The following KANK1 variants were observed in gnomAD, a reference collection of about 807,000 sequenced individuals.
KANK1 encodes KN motif and ankyrin repeat domains 1, also known as KN motif and ankyrin repeat domain-containing protein 1.
A neutral mutation model predicts 106.2 loss-of-function variants in KANK1; 109 were observed. That is an observed-to-expected ratio of 1.03 (90% confidence interval 0.88 to 1.20). KANK1 has a LOEUF of 1.20. Ranked by LOEUF, KANK1 falls within the 50% of genes most tolerant of loss-of-function variation. The probability of loss-of-function intolerance (pLI) is 0.00; values close to 1 mark genes in which losing one functional copy is unlikely to be tolerated. For synonymous variants in KANK1, 873 were observed against 652.2 expected, an observed-to-expected ratio of 1.34 and a Z score of -5.16; for missense variants, 2,399 against 1,710.7, an observed-to-expected ratio of 1.40 and a Z score of -7.10.
In KANK1 at chr9:570,757, A is replaced by C. The variant is rs190219921; in HGVS notation, c.-84+66003A>C. Among the ~76,000 whole-genome samples, 4 of 152,278 alleles carry C rather than the reference A, an allele frequency of 2.6e-5. No individual in the cohort carries two copies. The East Asian group carries it at 7.7e-4, about 29-fold the overall frequency. ...ATGCATGCTAATTAGATAATGCCTA[A>C]ATTATGTTGCTTTTCATGTGAATTT... is the stretch of plus-strand genomic sequence containing the variant. On this transcript the variant is annotated intron_variant, in intron 1 of 11. Coordinates refer to ENST00000382297, the MANE Select transcript of KANK1 (RefSeq NM_015158.5).
In KANK1 at chr9:512,237, G is replaced by A. The variant is rs1402341996; in HGVS notation, c.-84+7483G>A. On this transcript the variant is annotated intron_variant, in intron 1 of 11. Coordinates refer to ENST00000382297, the MANE Select transcript of KANK1 (RefSeq NM_015158.5). ...CAGAGAAACATAACCAATAGTGTGT[G>A]TGTGTGTGTGTGTATGTATATACAC... 2.8e-5 allele frequency among the ~76,000 whole-genome samples: 4 copies of A among 144,168 alleles called. No individual in the cohort carries two copies. In the East Asian group the frequency reaches 7.7e-4, roughly 28 times the overall value. 94.6% of individuals were successfully genotyped at this position (144,168 alleles called of 152,430 possible). A position where few individuals can be genotyped will look rare whatever the true frequency, so the allele number is the denominator to read the frequency against.
intron 1 of KANK1, among the ~76,000 whole-genome samples, chr9:661,954 C>T (rs556530600): frequency 7.2e-4 from 109 of 152,174 alleles, no homozygotes; most frequent in African/African-American, 2.3e-3. Flanking sequence ...TGTCCTTCGC[C>T]CACTTTTTGA....
At chr9:626,454 C>G (rs1024386959) in intron 1 of KANK1, among the ~76,000 whole-genome samples, 1 of 152,052 alleles carries the variant, frequency 6.6e-6, no homozygotes, top group Non-Finnish European at 1.5e-5. Context: ...AAAAGCTGTG[C>G]CAATAAAATT....
chr9:742,428 C>T (rs1166635481), intron 10 of KANK1, 23 bp downstream of exon 10: 7 of 1,591,314 alleles, frequency 4.4e-6, no homozygotes, highest in Non-Finnish European at 6.0e-6. Flanking sequence ...CATTGGGCCT[C>T]CTGGCCAGGG....
chr9:651,961 T>A (rs1012812824), intron 1 of KANK1, among the ~76,000 whole-genome samples: 1 of 152,202 alleles, frequency 6.6e-6, no homozygotes, highest in Non-Finnish European at 1.5e-5. Flanking sequence ...GTTTTGAGGA[T>A]GTGTTTACTA....
chr9:713,374 C>A lies in KANK1; in HGVS notation c.2608C>A (p.Leu870Met). 2.5e-6 allele frequency: 4 copies of A among 1,614,106 alleles called. No individual in the cohort carries two copies. Among genetic ancestry groups the A allele is most frequent in the Non-Finnish European group, 3.4e-6 (4 of 1,180,012 alleles). ...CCTCAACTCTCAGCTCATCAGCACC[C>A]TGTCGTCTATCAACTCTGTCATGAA... ...GSLNSQLIST[L>M]SSINSVMKSA... Residue 870 changes from leucine to methionine, a missense_variant, in exon 3 of 12, where the codon CTG becomes ATG. Coordinates refer to ENST00000382297, the MANE Select transcript of KANK1 (RefSeq NM_015158.5).
chr9:711,296 G>C lies in KANK1; in HGVS notation c.530G>C (p.Gly177Ala), dbSNP rs1361032622. The change falls in exon 3 of 12, where the codon GGT (glycine) becomes GCT (alanine). Residue 177 changes from glycine to alanine, a missense_variant. Transcript: ENST00000382297. ...QERATMQMTPGEFRRPRLASF... is the reference protein window; with the variant it reads ...QERATMQMTPAEFRRPRLASF... ...AGAGCCACCATGCAGATGACACCGG[G>C]TGAGTTCAGAAGGCCCAGGCTGGCC... 3 of 1,614,184 alleles carry C rather than the reference G, an allele frequency of 1.9e-6. No homozygotes were observed. Among genetic ancestry groups the C allele is most frequent in the East Asian group, 4.5e-5 (2 of 44,880 alleles).
intron 1 of KANK1, among the ~76,000 whole-genome samples, chr9:598,895 G>A (rs144138426): frequency 1.3e-5 from 2 of 150,168 alleles, no homozygotes; most frequent in Non-Finnish European, 1.5e-5. Context: ...ATCTCCCAAA[G>A]TGCTAGAATT....
intron 7 of KANK1, chr9:735,712 G>T (rs1833609526): frequency 2.3e-6 from 1 of 434,942 alleles, no homozygotes; most frequent in Non-Finnish European, 4.8e-6. Flanking sequence ...CCTAATACAG[G>T]GCCAGGTGCA....
intron 1 of KANK1, among the ~76,000 whole-genome samples, chr9:608,855 G>C (rs887603033): frequency 6.6e-6 from 1 of 152,146 alleles, no homozygotes; most frequent in African/African-American, 2.4e-5. Context: ...TTGAGACTGA[G>C]TGGGATAAGG....
chr9:575,107 G>C (rs1031208014), intron 1 of KANK1, among the ~76,000 whole-genome samples: 1 of 152,104 alleles, frequency 6.6e-6, no homozygotes, highest in Non-Finnish European at 1.5e-5. Context: ...GGAGTCTAGG[G>C]TACTTGTCTT....
chr9:556,955 A>G (rs1204614452), intron 1 of KANK1, among the ~76,000 whole-genome samples: 1 of 152,124 alleles, frequency 6.6e-6, no homozygotes, highest in African/African-American at 2.4e-5. Context: ...TTTGAATATG[A>G]ATTGAGTTCT....
At chr9:689,580 CT>C (rs140051557) in intron 2 of KANK1, among the ~76,000 whole-genome samples, 36,116 of 151,870 alleles carry the variant, frequency 0.24, 5,034 homozygotes, top group East Asian at 0.56. Flanking sequence ...CTTTGCTGGA[CT>C]TTCCTTTTAA....
At chr9:698,371 C>G (rs924878472) in intron 2 of KANK1, among the ~76,000 whole-genome samples, 5 of 152,200 alleles carry the variant, frequency 3.3e-5, no homozygotes, top group African/African-American at 1.2e-4. Context: ...TGCCCTCACT[C>G]ATGCCATATC....
intron 1 of KANK1, among the ~76,000 whole-genome samples, chr9:560,620 T>G (rs1381203038): frequency 1.3e-5 from 2 of 152,234 alleles, no homozygotes; most frequent in African/African-American, 2.4e-5. Flanking sequence ...TTAAAATACT[T>G]TAAATTATCA....
chr9:672,628 A>C (rs150799814), intron 1 of KANK1, among the ~76,000 whole-genome samples: 1 of 152,310 alleles, frequency 6.6e-6, no homozygotes, highest in African/African-American at 2.4e-5. Context: ...GTATATATCA[A>C]ATCTCAATTT....
chr9:715,676 A>C (rs770521944), intron 3 of KANK1, among the ~76,000 whole-genome samples: 3 of 152,216 alleles, frequency 2.0e-5, no homozygotes, highest in Admixed American at 6.5e-5. Context: ...CAAAACAATA[A>C]ATATTTTTAA....
At chr9:573,241 T>C (rs751541070) in intron 1 of KANK1, among the ~76,000 whole-genome samples, 26 of 152,140 alleles carry the variant, frequency 1.7e-4, no homozygotes, top group Non-Finnish European at 2.9e-4. Flanking sequence ...ACTAAACTTA[T>C]CTAATAAATA....
chr9:601,163 A>G (rs1827644825), intron 1 of KANK1, among the ~76,000 whole-genome samples: 1 of 151,856 alleles, frequency 6.6e-6, no homozygotes, highest in African/African-American at 2.4e-5. Flanking sequence ...CAAAGGTAGT[A>G]CGGGGCTCCC....
Sources: gnomAD v4.1 joint callset for allele counts (sites outside exome capture counted in the v4.1 genomes callset) on GRCh38, gnomAD v4.1.1 for gene constraint, MANE v1.5 for transcripts, NCBI Gene and HGNC (gene_info 2026-07-23, HGNC 2026-07-21) for gene names.